Variants in SLC24A5 observed in about 807,000 individuals in gnomAD.
SLC24A5 encodes the protein sodium/potassium/calcium exchanger 5.
Under a neutral mutation model 51.6 loss-of-function variants are expected in SLC24A5, and 46 were observed. That is an observed-to-expected ratio of 0.89 (90% CI 0.70 to 1.14). The LOEUF is 1.14. Ranked by LOEUF, SLC24A5 falls within the 50% of genes most tolerant of loss-of-function variation. SLC24A5 has a pLI of 0.00. For synonymous variants in SLC24A5, 230 were observed against 214.9 expected, an observed-to-expected ratio of 1.07 and a Z score of -0.62; for missense variants, 581 against 604.1, an observed-to-expected ratio of 0.96 and a Z score of 0.40.
intron 6 of SLC24A5, chr15:48,137,375 C>T (rs933045942): frequency 1.3e-5 from 2 of 159,982 alleles, no homozygotes; most frequent in African/African-American, 4.8e-5. Context: ...AGAGATAAAA[C>T]ACATAGAGCA....
chr15:48,140,901 G>T (rs1013908881), intron 7 of SLC24A5: 23 of 438,466 alleles, frequency 5.2e-5, no homozygotes, highest in Admixed American at 1.5e-4. Flanking sequence ...CTTTAGATAT[G>T]TCATTAAAAA....
intron 7 of SLC24A5, 146 bp from the exon 8 acceptor site, chr15:48,140,966 TA>T: frequency 1.8e-6 from 1 of 569,700 alleles, no homozygotes; most frequent in Non-Finnish European, 3.0e-6. Flanking sequence ...TGTTGCTAGC[TA>T]AAAAACTAAT....
intron 7 of SLC24A5, 171 bp from the exon 8 acceptor site, chr15:48,140,942 G>A (rs1422079056): frequency 1.9e-6 from 1 of 513,188 alleles, no homozygotes; most frequent in African/African-American, 1.9e-5. Context: ...CGAATTACCA[G>A]CCTGATTCAA....
intron 2 of SLC24A5, chr15:48,123,105 A>G (rs2038696604): frequency 6.6e-6 from 1 of 152,006 alleles, no homozygotes. Context: ...TGTAGGCTCT[A>G]AAACAGTAAC....
intron 2 of SLC24A5, among the ~76,000 whole-genome samples, chr15:48,133,893 C>CT (rs543755988): frequency 1.3e-5 from 2 of 151,924 alleles, no homozygotes; most frequent in Admixed American, 1.3e-4. Context: ...AAACTAACAT[C>CT]TTTTTTTTCT....
rs1214200525 is a variant in SLC24A5 at position 48,121,985 on chromosome 15, T to C, written c.250T>C (p.Ser84Pro). Residue 84 changes from serine to proline, a missense_variant, in exon 2 of 9, where the codon TCT (serine) becomes CCT (proline). Physicochemically the swap from Ser to Pro is moderately conservative, Grantham distance 74. Coordinates refer to ENST00000341459, the MANE Select transcript of SLC24A5 (RefSeq NM_205850.3). ...LIIVYMFMAI[S>P]IVCDEYFLPS... ...TATCGTTTACATGTTCATGGCCATA[T>C]CTATTGTCTGTGATGAATACTTCCT... 6.2e-7 allele frequency: 1 copy of C among 1,614,192 alleles called. No individual in the cohort carries two copies. The highest frequency in any genetic ancestry group is 8.5e-7 in the Non-Finnish European group (1 of 1,180,010).
chr15:48,133,808 C>G (rs1057500413), intron 2 of SLC24A5, among the ~76,000 whole-genome samples: 3 of 152,078 alleles, frequency 2.0e-5, no homozygotes. Flanking sequence ...AAAATTTGAA[C>G]GGACAGTTGA....
intron 2 of SLC24A5, among the ~76,000 whole-genome samples, chr15:48,129,018 T>C (rs1208525132): frequency 6.6e-6 from 1 of 152,096 alleles, no homozygotes; most frequent in Non-Finnish European, 1.5e-5. Flanking sequence ...TTGTTAGGTT[T>C]GGAGGTAAAG....
At position 48,126,681 on chromosome 15, in the gene SLC24A5, T is replaced by C. The variant is rs536289910; in HGVS notation, c.301+4645T>C. Among the ~76,000 whole-genome samples, 12 of 152,294 alleles carry C rather than the reference T, an allele frequency of 7.9e-5. No homozygotes were observed. In the South Asian group the frequency reaches 2.3e-3, roughly 29 times the overall value. ...TACTCTAGAATGTTACCCGGATGGA[T>C]ACCCTGAGGGGTGTGTATGAGAGAC... On this transcript the variant is annotated intron_variant, in intron 2 of 8. Transcript: ENST00000341459.
At chr15:48,133,356 T>G (rs918374713) in intron 2 of SLC24A5, among the ~76,000 whole-genome samples, 1 of 152,124 alleles carries the variant, frequency 6.6e-6, no homozygotes, top group Non-Finnish European at 1.5e-5. Flanking sequence ...TATGCAAACC[T>G]ATCTCGGCCT....
intron 2 of SLC24A5, among the ~76,000 whole-genome samples, chr15:48,126,185 A>G (rs2038729165): frequency 6.6e-6 from 1 of 152,062 alleles, no homozygotes; most frequent in Admixed American, 6.5e-5. Context: ...TCTGCTCATG[A>G]TCATAAAAGT....
At position 48,136,737 on chromosome 15, in the gene SLC24A5, T is replaced by G. The variant is rs1452631209; in HGVS notation, c.645T>G (p.Cys215Trp). The change falls in exon 6 of 9, where the codon TGT becomes TGG. Residue 215 changes from cysteine (C) to tryptophan (W), a missense_variant. Physicochemically the swap from Cys to Trp is radical, Grantham distance 215. Transcript: ENST00000341459. ...LIYGLYVLVL[C>W]FDIKINQYII... ...ATGGATTGTATGTTTTGGTGCTGTGTTTTGACATTAAAATTAACCAATATA... is the reference window on the plus strand; with the variant it reads ...ATGGATTGTATGTTTTGGTGCTGTGGTTTGACATTAAAATTAACCAATATA... 1.2e-6 allele frequency: 2 copies of G among 1,613,618 alleles called. No homozygotes were observed. Among genetic ancestry groups the G allele is most frequent in the Admixed American group, 3.3e-5 (2 of 59,948 alleles).
chr15:48,121,881 C>T lies in SLC24A5; in HGVS notation c.146C>T (p.Ser49Phe). ...GGAAATAGCACCCAATGTGTTATTT[C>T]TCCATCATCGGAGTTTCCCGAAGGG... ...ATGNSTQCVI[S>F]PSSEFPEGFF... Residue 49 changes from serine to phenylalanine, a missense_variant, in exon 2 of 9, where the codon TCT becomes TTT. Transcript: ENST00000341459. 1.2e-6 allele frequency: 2 copies of T among 1,614,166 alleles called. No homozygotes were observed. Among genetic ancestry groups the T allele is most frequent in the East Asian group, 4.5e-5 (2 of 44,874 alleles).
intron 5 of SLC24A5, chr15:48,136,461 T>TTA: frequency 9.5e-6 from 3 of 314,822 alleles, no homozygotes; most frequent in Non-Finnish European, 1.7e-5. Flanking sequence ...ATCTTGTTTT[T>TTA]AAAAAAAAAA....
At chr15:48,122,395 T>G in intron 2 of SLC24A5, 1 of 369,370 alleles carries the variant, frequency 2.7e-6, no homozygotes, top group Admixed American at 4.3e-5. Flanking sequence ...TGCCATTTTA[T>G]GCTTCAAAAA....
chr15:48,129,719 G>T (rs894783446), intron 2 of SLC24A5, among the ~76,000 whole-genome samples: 1 of 151,780 alleles, frequency 6.6e-6, no homozygotes, highest in African/African-American at 2.4e-5. Flanking sequence ...ACTTGGGGGT[G>T]GGGGGTAGGT....
intron 5 of SLC24A5, 73 bp downstream of exon 5, chr15:48,135,057 C>T: frequency 1.6e-6 from 2 of 1,213,030 alleles, no homozygotes; most frequent in Non-Finnish European, 2.4e-6. Flanking sequence ...AATTTTTTTT[C>T]AGAAATGTTA....
chr15:48,140,448 C>T (rs2039030340), intron 7 of SLC24A5: 1 of 152,008 alleles, frequency 6.6e-6, no homozygotes, highest in African/African-American at 2.4e-5. Flanking sequence ...AGTTACATAA[C>T]CTTTTGTTTA....
chr15:48,126,767 C>G (rs1050651261), intron 2 of SLC24A5, among the ~76,000 whole-genome samples: 17 of 152,248 alleles, frequency 1.1e-4, no homozygotes, highest in African/African-American at 3.9e-4. Flanking sequence ...AAGGAGGGAG[C>G]CTTTGTCGTC....
Sources: gnomAD v4.1 joint callset for allele counts (sites outside exome capture counted in the v4.1 genomes callset) on GRCh38, gnomAD v4.1.1 for gene constraint, MANE v1.5 for transcripts, NCBI Gene and HGNC (gene_info 2026-07-23, HGNC 2026-07-21) for gene names.